Variants in LARP4 observed in about 807,000 individuals in gnomAD.
The protein encoded by LARP4 is La ribonucleoprotein 4.
LARP4 carries 29 observed loss-of-function variants against 92.9 expected under a neutral mutation model. The observed-to-expected ratio is 0.31, with a 90% CI of 0.23 to 0.43. The LOEUF is 0.43. Ranked by LOEUF, LARP4 falls within the 20% of genes least tolerant of loss-of-function variation. The pLI, the probability that LARP4 is intolerant of heterozygous loss-of-function variation, is 1.00. For missense variants in LARP4, 732 were observed against 860.0 expected (o/e 0.85, Z 1.86); for synonymous variants, 279 against 284.1 (o/e 0.98, Z 0.18).
At chr12:50,403,509 C>T (rs543750704) in intron 1 of LARP4, among the ~76,000 whole-genome samples, 12 of 152,130 alleles carry the variant, frequency 7.9e-5, no homozygotes, top group East Asian at 7.7e-4. Flanking sequence ...TTGATAACTG[C>T]GTTTCAATAT....
At chr12:50,469,419 A>G (rs1424550921) in intron 13 of LARP4, among the ~76,000 whole-genome samples, 1 of 151,784 alleles carries the variant, frequency 6.6e-6, no homozygotes, top group African/African-American at 2.4e-5. Context: ...CCTGGCTAAC[A>G]TGGTGAAACT....
At chr12:50,425,715 C>A (rs1948607189) in intron 1 of LARP4, among the ~76,000 whole-genome samples, 1 of 152,118 alleles carries the variant, frequency 6.6e-6, no homozygotes. Flanking sequence ...CTTTGCCTGC[C>A]AGCTCTGCAA....
At chr12:50,404,681 GTTTTTTTTTTT>G (rs1162590362) in intron 1 of LARP4, among the ~76,000 whole-genome samples, 1 of 67,356 alleles carries the variant, frequency 1.5e-5, no homozygotes, top group African/African-American at 4.6e-5. Flanking sequence ...GGTTCAAGCA[GTTTTTTTTTTT>G]TTTTTTTTTT....
At chr12:50,426,007 C>T (rs141372347) in intron 1 of LARP4, among the ~76,000 whole-genome samples, 1 of 152,162 alleles carries the variant, frequency 6.6e-6, no homozygotes, top group South Asian at 2.1e-4. Context: ...TCTAGAATCT[C>T]TCTACTCTCA....
intron 4 of LARP4, among the ~76,000 whole-genome samples, chr12:50,434,172 T>TA (rs1950083365): frequency 6.6e-6 from 1 of 152,090 alleles, no homozygotes; most frequent in Non-Finnish European, 1.5e-5. Flanking sequence ...GTTGCAGTTT[T>TA]AAATAGGGTG....
chr12:50,402,194 G>GTT (rs143859352), intron 1 of LARP4, among the ~76,000 whole-genome samples: 1 of 150,988 alleles, frequency 6.6e-6, no homozygotes, highest in Non-Finnish European at 1.5e-5. Context: ...TGATTTTACG[G>GTT]TTTTTTTTTC....
At chr12:50,423,297 A>G (rs1325207533) in intron 1 of LARP4, among the ~76,000 whole-genome samples, 4 of 152,184 alleles carry the variant, frequency 2.6e-5, no homozygotes, top group Non-Finnish European at 1.5e-5. Context: ...TGTTTCTTCA[A>G]AGCTAATTTT....
In LARP4 at chr12:50,477,098, C is replaced by T. The variant is rs1273337267; in HGVS notation, c.*1234C>T. ...TATTACCTTCCTTCCCTCCTCTTCT[C>T]CCCCCACACCCAACAAAATACAGTT... On this transcript the variant is annotated 3_prime_UTR_variant, in exon 16 of 16. Coordinates refer to ENST00000398473, the MANE Select transcript of LARP4 (RefSeq NM_052879.5). The T allele has an allele frequency of 1.3e-5, 2 of 152,416 alleles. No individual in the cohort carries two copies. Among genetic ancestry groups the T allele is most frequent in the South Asian group, 2.1e-4 (1 of 4,820 alleles). The allele number at this position is 152,416 out of a possible 1,614,324, so 9.4% of individuals were successfully genotyped here.
At position 50,478,458 on chromosome 12, in the gene LARP4, C is replaced by T. The variant is rs549784026; in HGVS notation, c.*2594C>T. The T allele has an allele frequency of 3.3e-5, 5 of 152,070 alleles. No individual in the cohort carries two copies. The highest frequency in any genetic ancestry group is 3.9e-4 in the East Asian group (2 of 5,182). 9.4% of individuals were successfully genotyped at this position (152,070 alleles called of 1,614,324 possible). On this transcript the variant is annotated 3_prime_UTR_variant, in exon 16 of 16. Transcript: ENST00000398473. ...TGTGAAGCTCTTGGCTTTTTTCCAA[C>T]GTTACTTTGTAACTAATGAGGGTGG...
At chr12:50,474,547 C>G (rs992986280) in intron 15 of LARP4, among the ~76,000 whole-genome samples, 1 of 152,144 alleles carries the variant, frequency 6.6e-6, no homozygotes, top group African/African-American at 2.4e-5. Flanking sequence ...CGGGGTTTCA[C>G]TGTGTTAGCC....
intron 13 of LARP4, among the ~76,000 whole-genome samples, chr12:50,472,664 C>T (rs965631294): frequency 5.3e-5 from 8 of 151,980 alleles, no homozygotes; most frequent in Non-Finnish European, 1.0e-4. Context: ...GGACACCCCC[C>T]ACCCTAGCTA....
chr12:50,406,864 G>A (rs974580508), intron 1 of LARP4, among the ~76,000 whole-genome samples: 1 of 151,574 alleles, frequency 6.6e-6, no homozygotes, highest in African/African-American at 2.4e-5. Flanking sequence ...GACTACAGAC[G>A]TACGCCACCA....
chr12:50,430,593 G>GA (rs1356594612), intron 4 of LARP4, 23 bp downstream of exon 4: 1 of 1,399,012 alleles, frequency 7.1e-7, no homozygotes, highest in Admixed American at 1.9e-5. Context: ...CCCCTTTATT[G>GA]AATTTTATTA....
intron 7 of LARP4, among the ~76,000 whole-genome samples, chr12:50,440,891 T>TA: frequency 6.6e-6 from 1 of 151,786 alleles, no homozygotes; most frequent in East Asian, 1.9e-4. Flanking sequence ...TTTATTCTTT[T>TA]TTTTTTTTTT....
At chr12:50,450,708 G>A (rs764998570) in intron 8 of LARP4, among the ~76,000 whole-genome samples, 1 of 152,030 alleles carries the variant, frequency 6.6e-6, no homozygotes, top group Non-Finnish European at 1.5e-5. Flanking sequence ...CACTATGTTG[G>A]CCAGGTTGGT....
intron 1 of LARP4, chr12:50,421,010 C>T (rs1398378257): frequency 1.6e-5 from 2 of 126,664 alleles, no homozygotes; most frequent in African/African-American, 2.9e-5. Flanking sequence ...AGTGCAGTGG[C>T]GCTATCTCGG....
At chr12:50,467,736 A>T (rs1221612828) in intron 13 of LARP4, among the ~76,000 whole-genome samples, 2 of 152,214 alleles carry the variant, frequency 1.3e-5, no homozygotes, top group Non-Finnish European at 2.9e-5. Context: ...CAAACAATGG[A>T]AAGTAGATGT....
chr12:50,427,666 C>T, intron 1 of LARP4, 96 bp from the exon 2 acceptor site: 1 of 639,988 alleles, frequency 1.6e-6, no homozygotes, highest in Non-Finnish European at 2.4e-6. Context: ...TGGGTTTCTC[C>T]CCCACTTTTA....
At chr12:50,422,720 G>T (rs1948010276) in intron 1 of LARP4, among the ~76,000 whole-genome samples, 1 of 150,550 alleles carries the variant, frequency 6.6e-6, no homozygotes, top group African/African-American at 2.4e-5. Flanking sequence ...AATATGAGTT[G>T]AATCATTTTA....
Sources: gnomAD v4.1 joint callset for allele counts (sites outside exome capture counted in the v4.1 genomes callset) on GRCh38, gnomAD v4.1.1 for gene constraint, MANE v1.5 for transcripts, NCBI Gene and HGNC (gene_info 2026-07-23, HGNC 2026-07-21) for gene names.